Variants in DIPK1A observed in about 807,000 individuals in gnomAD.
DIPK1A encodes the protein family with sequence similarity 69 member A.
DIPK1A carries 27 observed loss-of-function variants against 40.8 expected under a neutral mutation model. That is an observed-to-expected ratio of 0.66 (90% CI 0.49 to 0.91). The LOEUF is 0.91. Among genes scored for constraint, DIPK1A ranks in the 40% least tolerant of loss-of-function variants. DIPK1A has a pLI of 0.00. For missense variants in DIPK1A, 412 were observed against 505.7 expected, an observed-to-expected ratio of 0.81 and a Z score of 1.78; for synonymous variants, 166 against 171.3, an observed-to-expected ratio of 0.97 and a Z score of 0.24.
chr1:92,882,957 C>G (rs1169334247), intron 1 of DIPK1A, among the ~76,000 whole-genome samples: 2 of 152,194 alleles, frequency 1.3e-5, no homozygotes, highest in Admixed American at 1.3e-4. Flanking sequence ...ACAGCTTTGG[C>G]TCTAACTCGG....
chr1:92,889,929 C>T (rs1247773411), intron 1 of DIPK1A, among the ~76,000 whole-genome samples: 1 of 152,282 alleles, frequency 6.6e-6, no homozygotes, highest in South Asian at 2.1e-4. Flanking sequence ...AGATTACAGG[C>T]GTGAGCCACC....
At chr1:92,846,817 A>G (rs866855086) in intron 4 of DIPK1A, among the ~76,000 whole-genome samples, 75 of 5,704 alleles carry the variant, frequency 0.013, 9 homozygotes, top group East Asian at 0.078. Context: ...ATATATATAT[A>G]TATATATATA....
chr1:92,861,021 C>T (rs896526755), intron 2 of DIPK1A, among the ~76,000 whole-genome samples: 2 of 151,978 alleles, frequency 1.3e-5, no homozygotes, highest in African/African-American at 4.8e-5. Flanking sequence ...TCCTTCTCTC[C>T]CTCCTTCCCA....
At chr1:92,876,987 C>T (rs781769344) in intron 1 of DIPK1A, 2 of 985,172 alleles carry the variant, frequency 2.0e-6, no homozygotes, top group Non-Finnish European at 2.4e-6. Context: ...TCTTGTTCAG[C>T]GAACCAAATG....
intron 3 of DIPK1A, among the ~76,000 whole-genome samples, chr1:92,849,885 G>A (rs1424069696): frequency 1.3e-5 from 2 of 152,100 alleles, no homozygotes; most frequent in Non-Finnish European, 2.9e-5. Flanking sequence ...CAAACTCCTG[G>A]ACTAAAGCAA....
intron 1 of DIPK1A, among the ~76,000 whole-genome samples, chr1:92,935,621 A>G (rs537677593): frequency 4.0e-4 from 61 of 152,256 alleles, no homozygotes; most frequent in Non-Finnish European, 6.5e-4. Context: ...TAAAATCAAC[A>G]GGGTCAATCA....
At chr1:92,834,203 T>C (rs1294436410) in intron 4 of DIPK1A, among the ~76,000 whole-genome samples, 1 of 152,216 alleles carries the variant, frequency 6.6e-6, no homozygotes, top group East Asian at 1.9e-4. Context: ...TATATGGCCT[T>C]ATATGCCACT....
intron 2 of DIPK1A, among the ~76,000 whole-genome samples, chr1:92,872,320 G>C (rs2100768520): frequency 6.6e-6 from 1 of 151,952 alleles, no homozygotes; most frequent in South Asian, 2.1e-4. Flanking sequence ...GGAGTCAAGT[G>C]ATCTGCCCAC....
chr1:92,950,661 T>C (rs1055757562), intron 1 of DIPK1A, among the ~76,000 whole-genome samples: 5 of 152,178 alleles, frequency 3.3e-5, no homozygotes, highest in African/African-American at 1.2e-4. Context: ...CAGTGAGCTA[T>C]GATTGTGCCA....
chr1:92,875,757 GAGTTAAATTTAC>G (rs1648091364), intron 2 of DIPK1A, among the ~76,000 whole-genome samples: 1 of 150,826 alleles, frequency 6.6e-6, no homozygotes, highest in African/African-American at 2.4e-5. Flanking sequence ...GGAAAAAAAG[GAGTTAAATTTAC>G]TTGAAATTCT....
downstream of DIPK1A, chr1:92,837,742 T>C (rs1687185154): frequency 1.2e-6 from 1 of 837,350 alleles, no homozygotes. Context: ...CTTGACAACA[T>C]GAGCTAGACT....
At chr1:92,921,734 A>C (rs532436270) in intron 1 of DIPK1A, among the ~76,000 whole-genome samples, 1 of 152,280 alleles carries the variant, frequency 6.6e-6, no homozygotes, top group South Asian at 2.1e-4. Flanking sequence ...ATTTTCAAGT[A>C]CCAAACCAGG....
chr1:92,871,785 T>G (rs1001320826), intron 2 of DIPK1A, among the ~76,000 whole-genome samples: 3 of 152,204 alleles, frequency 2.0e-5, no homozygotes, highest in African/African-American at 7.2e-5. Flanking sequence ...TGTTGTAGCA[T>G]GTATCAGAAT....
At chr1:92,882,825 CTG>C (rs1382297351) in intron 1 of DIPK1A, among the ~76,000 whole-genome samples, 3 of 152,206 alleles carry the variant, frequency 2.0e-5, no homozygotes, top group Admixed American at 6.5e-5. Context: ...AGGAGACACT[CTG>C]TGTATCCCAC....
At chr1:92,841,530 C>G (rs1687362712), downstream of DIPK1A, among the ~76,000 whole-genome samples, 1 of 152,140 alleles carries the variant, frequency 6.6e-6, no homozygotes, top group African/African-American at 2.4e-5. Flanking sequence ...CTGAATCTAA[C>G]ATGTCTTCTA....
chr1:92,869,152 CTAT>C lies in DIPK1A; in HGVS notation c.189+7141_189+7143del, dbSNP rs10688368. ...AGTTACCTTGAAAATAAATATTACACTATTATTATTATTATTATTATTATTTTG... is the reference window on the plus strand; with the variant it reads ...AGTTACCTTGAAAATAAATATTACACTATTATTATTATTATTATTATTTTG... On this transcript the variant is annotated intron_variant, in intron 2 of 4. Coordinates refer to ENST00000370310, the MANE Select transcript of DIPK1A (RefSeq NM_001006605.5). Among the ~76,000 whole-genome samples, 48 of 146,300 alleles carry C rather than the reference CTAT, an allele frequency of 3.3e-4. No individual in the cohort carries two copies. The South Asian group carries it at 5.5e-3, about 17-fold the overall frequency.
intron 2 of DIPK1A, among the ~76,000 whole-genome samples, chr1:92,864,626 T>C (rs1300967699): frequency 8.5e-5 from 13 of 152,338 alleles, no homozygotes; most frequent in Admixed American, 3.3e-4. Context: ...GAATCTTACC[T>C]ACAAATCTTA....
chr1:92,844,215 T>C lies in DIPK1A; in HGVS notation c.475-20A>G, dbSNP rs745618315. On this transcript the variant is annotated intron_variant, in intron 4 of 4. Coordinates refer to ENST00000370310, the MANE Select transcript of DIPK1A (RefSeq NM_001006605.5). ...TTTTGCCTGTCAAGAATTTGGCTAG[T>C]TACACAGAAGGAATGAAAAATACCT... 2 of 1,498,702 alleles carry C rather than the reference T, an allele frequency of 1.3e-6. No individual in the cohort carries two copies. The highest frequency in any genetic ancestry group is 2.5e-5 in the South Asian group (2 of 81,358). The allele number at this position is 1,498,702 out of a possible 1,614,324, so 92.8% of individuals were successfully genotyped here. A position where few individuals can be genotyped will look rare whatever the true frequency, so the allele number is the denominator to read the frequency against.
chr1:92,840,698 G>A (rs376432356), downstream of DIPK1A: 2 of 1,224,820 alleles, frequency 1.6e-6, no homozygotes, highest in African/African-American at 3.0e-5. Context: ...TTCCCACGTG[G>A]GGCAGACTGT....
Sources: gnomAD v4.1 joint callset for allele counts (sites outside exome capture counted in the v4.1 genomes callset) on GRCh38, gnomAD v4.1.1 for gene constraint, MANE v1.5 for transcripts, NCBI Gene and HGNC (gene_info 2026-07-23, HGNC 2026-07-21) for gene names.